SNRNP70: variants seen among roughly 807,000 people sequenced by gnomAD.
The protein encoded by SNRNP70 is small nuclear ribonucleoprotein U1 subunit 70.
In SNRNP70, 8 loss-of-function variants were observed where a neutral mutation model predicts 50.5. The ratio of observed to expected loss-of-function variants is 0.16; its 90% CI spans 0.09 to 0.29. SNRNP70 has a LOEUF of 0.29. Ranked by LOEUF, SNRNP70 falls within the 10% of genes least tolerant of loss-of-function variation. The pLI is 1.00. For synonymous variants in SNRNP70, 320 were observed against 252.9 expected (o/e 1.27, Z -2.52); for missense variants, 529 against 663.5 (o/e 0.80, Z 2.23).
intron 4 of SNRNP70, among the ~76,000 whole-genome samples, chr19:49,092,629 G>A (rs773857100): frequency 4.0e-5 from 6 of 149,942 alleles, no homozygotes; most frequent in Admixed American, 6.6e-5. Context: ...GGCTGGCCTC[G>A]AACTCCTGAC....
chr19:49,095,500 CT>C (rs1041045712), intron 4 of SNRNP70, among the ~76,000 whole-genome samples: 8 of 150,070 alleles, frequency 5.3e-5, no homozygotes, highest in Non-Finnish European at 1.2e-4. Flanking sequence ...TTATTTACCT[CT>C]TTCATTAGCA....
At chr19:49,101,869 T>C (rs1010935499) in intron 7 of SNRNP70, among the ~76,000 whole-genome samples, 3 of 149,106 alleles carry the variant, frequency 2.0e-5, no homozygotes, top group East Asian at 2.0e-4. Context: ...TGCCCTCTCT[T>C]CCCCCCCCAG....
chr19:49,089,856 G>T (rs1050003226), intron 2 of SNRNP70, among the ~76,000 whole-genome samples: 1 of 151,754 alleles, frequency 6.6e-6, no homozygotes, highest in African/African-American at 2.4e-5. Flanking sequence ...TAGAGGTGGG[G>T]TTTCACCATG....
intron 5 of SNRNP70, 41 bp from the exon 6 acceptor site, chr19:49,098,601 G>C (rs2040542288): frequency 3.1e-6 from 5 of 1,590,960 alleles, no homozygotes; most frequent in Non-Finnish European, 4.3e-6. Flanking sequence ...CTGTGGGACA[G>C]CTCTGTTCTC....
At chr19:49,102,365 A>C (rs571732606) in intron 7 of SNRNP70, 50 of 318,718 alleles carry the variant, frequency 1.6e-4, no homozygotes, top group East Asian at 9.0e-4. Context: ...ATGCTCTCTG[A>C]GAATCTTGCT....
intron 8 of SNRNP70, among the ~76,000 whole-genome samples, chr19:49,106,526 A>G (rs926629073): frequency 1.3e-5 from 2 of 152,188 alleles, no homozygotes; most frequent in Non-Finnish European, 2.9e-5. Context: ...TGCCTGTGAC[A>G]TGGCAGGTGC....
rs901246641 is a variant in SNRNP70, at chr19:49,105,734, AAAAAAAC to A, written c.577+1013_577+1019del. 8.2e-5 allele frequency among the ~76,000 whole-genome samples: 12 copies of A among 145,866 alleles called. No homozygotes were observed. The South Asian group carries it at 1.5e-3, about 18-fold the overall frequency. On this transcript the variant is annotated intron_variant, in intron 8 of 9. Transcript: ENST00000598441. Reference sequence around the variant, plus strand: ...GCCAGAGCAAGACTCTGTCTCAAAAAAAAAAACAAAAAACAAAAAAACTGGGGCGACC... The same window carrying A: ...GCCAGAGCAAGACTCTGTCTCAAAAAAAAAAACAAAAAAACTGGGGCGACC...
chr19:49,095,927 C>T (rs1173417840), intron 4 of SNRNP70, among the ~76,000 whole-genome samples: 4 of 141,392 alleles, frequency 2.8e-5, no homozygotes, highest in African/African-American at 8.0e-5. Context: ...GCACAAACAT[C>T]GGCGAATAAA....
In SNRNP70 at chr19:49,101,425, C is replaced by T. The variant is rs539611390; in HGVS notation, c.429C>T (p.Pro143=). Residue 143 remains proline (P), a synonymous_variant, in exon 7 of 10, where the codon CCC becomes CCT. Coordinates refer to ENST00000598441, the MANE Select transcript of SNRNP70 (RefSeq NM_003089.6). The part of the protein sequence containing the change: ...HMVYSKRSGK[P]RGYAFIEYEH... ...TCTACAGTAAGCGGTCAGGAAAGCC[C>T]CGTGGCTATGCCTTCATCGAGTACG... is the stretch of plus-strand genomic sequence containing the variant. The T allele has an allele frequency of 1.9e-6, 3 of 1,614,072 alleles. No homozygotes were observed. Among genetic ancestry groups the T allele is most frequent in the Admixed American group, 1.7e-5 (1 of 60,024 alleles).
At chr19:49,101,874 C>T (rs537688045) in intron 7 of SNRNP70, among the ~76,000 whole-genome samples, 1 of 152,082 alleles carries the variant, frequency 6.6e-6, no homozygotes, top group Admixed American at 6.5e-5. Context: ...TCTCTTCCCC[C>T]CCCAGTAGAA....
In SNRNP70 at chr19:49,107,584, C is replaced by T. The variant is rs201737373; in HGVS notation, c.578-41C>T. On this transcript the variant is annotated intron_variant, in intron 8 of 9. Coordinates refer to ENST00000598441, the MANE Select transcript of SNRNP70 (RefSeq NM_003089.6). This position sits in a 1 kb window ranked among gnomAD's most constrained non-coding sequence, Gnocchi z 6.0. ...TCATTTCTGCTCCTCCGGGCCCTGT[C>T]CCTGCCCAGATTCACCCTCTGTCCG... 6 of 1,592,892 alleles carry T rather than the reference C, an allele frequency of 3.8e-6. No individual in the cohort carries two copies. Among genetic ancestry groups the T allele is most frequent in the East Asian group, 4.5e-5 (2 of 44,768 alleles).
At position 49,104,400 on chromosome 19, in the gene SNRNP70, C is replaced by A. The variant is rs546622428; in HGVS notation, c.476-234C>A. ...GGGTGGCGGGTGAGGGTGGACGTCTCCCCCGACCAGGAGTGGTTGGGGCGC... is the reference window on the plus strand; with the variant it reads ...GGGTGGCGGGTGAGGGTGGACGTCTACCCCGACCAGGAGTGGTTGGGGCGC... On this transcript the variant is annotated intron_variant, in intron 7 of 9. Coordinates refer to ENST00000598441, the MANE Select transcript of SNRNP70 (RefSeq NM_003089.6). The surrounding 1 kb of genome is among the most constrained non-coding windows in gnomAD (Gnocchi z 5.4). 26 of 508,188 alleles carry A rather than the reference C, an allele frequency of 5.1e-5. No individual in the cohort carries two copies. The highest frequency in any genetic ancestry group is 2.2e-4 in the Admixed American group (6 of 27,416). 31.5% of individuals were successfully genotyped at this position (508,188 alleles called of 1,614,324 possible). A position where few individuals can be genotyped will look rare whatever the true frequency, so the allele number is the denominator to read the frequency against.
chr19:49,097,308 C>T (rs948650533), intron 4 of SNRNP70, among the ~76,000 whole-genome samples: 2 of 151,990 alleles, frequency 1.3e-5, no homozygotes, highest in Non-Finnish European at 2.9e-5. Flanking sequence ...TTCTGTGTCT[C>T]GAGTTTGTTC....
At position 49,108,030 on chromosome 19, in the gene SNRNP70, C is replaced by A; in HGVS notation, c.901C>A (p.Arg301=). 6.5e-7 allele frequency: 1 copy of A among 1,547,524 alleles called. No individual in the cohort carries two copies. The highest frequency in any genetic ancestry group is 8.7e-7 in the Non-Finnish European group (1 of 1,146,378). ...CAGCCGGAGTCGGGAGCGGGCCCGG[C>A]GGGAGCGGGAGCGCAAGGAGGAGCT... is the stretch of plus-strand genomic sequence containing the variant. The part of the protein sequence containing the change: ...RSSRSRERAR[R]ERERKEELRG... The change falls in exon 10 of 10, where the codon CGG becomes AGG. Residue 301 remains arginine (R), a synonymous_variant. Transcript: ENST00000598441.
chr19:49,089,215 A>G (rs2040418535), intron 2 of SNRNP70, among the ~76,000 whole-genome samples: 1 of 152,222 alleles, frequency 6.6e-6, no homozygotes, highest in Non-Finnish European at 1.5e-5. Flanking sequence ...CCAGGCCAAC[A>G]TGGTGAAACC....
At chr19:49,102,617 T>A in intron 7 of SNRNP70, 1 of 167,260 alleles carries the variant, frequency 6.0e-6, no homozygotes, top group South Asian at 1.5e-4. Flanking sequence ...AGTTTTGGGG[T>A]GCTCTGCCCC....
At chr19:49,089,713 A>C (rs999935930) in intron 2 of SNRNP70, among the ~76,000 whole-genome samples, 1 of 115,418 alleles carries the variant, frequency 8.7e-6, no homozygotes, top group African/African-American at 3.4e-5. Flanking sequence ...TGCAGGCTGG[A>C]GTGCAGTGGT....
intron 4 of SNRNP70, among the ~76,000 whole-genome samples, chr19:49,093,366 C>T (rs141427512): frequency 0.027 from 4 of 150 alleles, no homozygotes; most frequent in East Asian, 0.19. Context: ...GATTACAGGG[C>T]GTAGCCACCA....
In SNRNP70 at chr19:49,085,505, A is replaced by AGCGGGCGACGGAATCAGACGGAC; in HGVS notation, c.-140_-118dup. 1 of 454,368 alleles carries AGCGGGCGACGGAATCAGACGGAC rather than the reference A, an allele frequency of 2.2e-6. No individual in the cohort carries two copies. Among genetic ancestry groups the AGCGGGCGACGGAATCAGACGGAC allele is most frequent in the Non-Finnish European group, 4.4e-6 (1 of 225,692 alleles). 28.1% of individuals were successfully genotyped at this position (454,368 alleles called of 1,614,324 possible). Reference sequence around the variant, plus strand: ...GAGCAGCGGCCTGGTGCGCTCGCTTAGCGGGCGACGGAATCAGACGGACGT... The same window carrying AGCGGGCGACGGAATCAGACGGAC: ...GAGCAGCGGCCTGGTGCGCTCGCTTAGCGGGCGACGGAATCAGACGGACGCGGGCGACGGAATCAGACGGACGT... On this transcript the variant is annotated 5_prime_UTR_variant, in exon 1 of 10. Coordinates refer to ENST00000598441, the MANE Select transcript of SNRNP70 (RefSeq NM_003089.6).
Sources: allele counts gnomAD v4.1 joint callset (sites outside exome capture counted in the v4.1 genomes callset), GRCh38; gene constraint gnomAD v4.1.1; non-coding constraint Gnocchi (gnomAD v3.1); transcripts MANE v1.5; gene names NCBI Gene and HGNC (gene_info 2026-07-23, HGNC 2026-07-21).